Variants in LDB2 observed in about 807,000 individuals in gnomAD.
The protein encoded by LDB2 is LIM domain-binding protein 2.
A neutral mutation model predicts 44.3 loss-of-function variants in LDB2; 12 were observed. The ratio of observed to expected loss-of-function variants is 0.27; its 90% CI spans 0.17 to 0.44. The LOEUF (loss-of-function observed/expected upper bound fraction) is 0.44, where lower values mean the gene tolerates loss of function less well. LDB2 is among the 20% of genes least tolerant of loss of function. The pLI is 1.00. For synonymous variants in LDB2, 164 were observed against 174.8 expected (o/e 0.94, Z 0.49); for missense variants, 344 against 473.5 (o/e 0.73, Z 2.54).
chr4:16,753,286 G>A (rs1022002595), intron 2 of LDB2, among the ~76,000 whole-genome samples: 3 of 152,116 alleles, frequency 2.0e-5, no homozygotes, highest in African/African-American at 4.8e-5. Context: ...GGGTGAGTTC[G>A]AACCAATAAA....
chr4:16,843,824 T>C (rs1580162028), intron 1 of LDB2, among the ~76,000 whole-genome samples: 1 of 152,048 alleles, frequency 6.6e-6, no homozygotes, highest in East Asian at 1.9e-4. Context: ...GGTTTCACCA[T>C]GTTGGCCAGC....
At chr4:16,617,442 A>G (rs1354809604) in intron 2 of LDB2, among the ~76,000 whole-genome samples, 4 of 152,198 alleles carry the variant, frequency 2.6e-5, no homozygotes, top group Non-Finnish European at 4.4e-5. Context: ...TTAATTGACC[A>G]CAGTAAGCTG....
chr4:16,797,021 A>C (rs1776866801), intron 1 of LDB2, among the ~76,000 whole-genome samples: 1 of 152,198 alleles, frequency 6.6e-6, no homozygotes. Flanking sequence ...GCCTGAAAAT[A>C]TTATGAAAAA....
intron 1 of LDB2, among the ~76,000 whole-genome samples, chr4:16,859,837 G>C (rs965464726): frequency 6.6e-6 from 1 of 152,192 alleles, no homozygotes; most frequent in Non-Finnish European, 1.5e-5. Flanking sequence ...CAGTGATACA[G>C]ATAATTATAA....
At chr4:16,674,646 C>T (rs951015119) in intron 2 of LDB2, among the ~76,000 whole-genome samples, 2 of 152,258 alleles carry the variant, frequency 1.3e-5, no homozygotes, top group African/African-American at 2.4e-5. Context: ...AACACTGGTC[C>T]GTCTGCTCCC....
chr4:16,644,236 G>T (rs1049390896), intron 2 of LDB2, among the ~76,000 whole-genome samples: 3 of 152,098 alleles, frequency 2.0e-5, no homozygotes, highest in Non-Finnish European at 2.9e-5. Context: ...GAATATTTTT[G>T]AATACAGAAT....
intron 2 of LDB2, among the ~76,000 whole-genome samples, chr4:16,612,904 G>A (rs964021683): frequency 3.3e-5 from 5 of 152,112 alleles, no homozygotes; most frequent in African/African-American, 7.2e-5. Flanking sequence ...AATAAAAAAC[G>A]AAAACTTTAG....
chr4:16,552,465 C>CT (rs2152351533), intron 5 of LDB2, among the ~76,000 whole-genome samples: 1 of 152,154 alleles, frequency 6.6e-6, no homozygotes, highest in South Asian at 2.1e-4. Context: ...AGGATTCCAC[C>CT]TTTTTTCTTG....
intron 2 of LDB2, among the ~76,000 whole-genome samples, chr4:16,618,662 G>A (rs1348079656): frequency 6.6e-6 from 1 of 152,182 alleles, no homozygotes; most frequent in Non-Finnish European, 1.5e-5. Context: ...GCCGATTCAG[G>A]TATGGAATAC....
intron 2 of LDB2, among the ~76,000 whole-genome samples, chr4:16,663,406 C>A (rs967203319): frequency 1.3e-5 from 2 of 152,164 alleles, no homozygotes; most frequent in African/African-American, 4.8e-5. Flanking sequence ...AAGAGAGGCT[C>A]ATAATTGGCA....
At chr4:16,756,802 T>C (rs1285894321) in intron 2 of LDB2, among the ~76,000 whole-genome samples, 2 of 152,074 alleles carry the variant, frequency 1.3e-5, no homozygotes, top group Admixed American at 1.3e-4. Context: ...TTACAGGATT[T>C]ATGGCAACTT....
Position 16,774,343 on chromosome 4 carries a change from G to A in LDB2, c.133-15083C>T, listed in dbSNP as rs181523074. ...CTTTATTTTCTAGACTGAGATATGC[G>A]TTTTTTTAAAAAATTAATGGGAACC... On this transcript the variant is annotated intron_variant, in intron 1 of 7. Transcript: ENST00000304523. Among the ~76,000 whole-genome samples, 11 of 151,904 alleles carry A rather than the reference G, an allele frequency of 7.2e-5. No homozygotes were observed. The East Asian group carries it at 1.2e-3, about 16-fold the overall frequency.
At chr4:16,857,855 T>C (rs1425978513) in intron 1 of LDB2, among the ~76,000 whole-genome samples, 1 of 152,188 alleles carries the variant, frequency 6.6e-6, no homozygotes, top group East Asian at 1.9e-4. Context: ...AGGCTCTTCA[T>C]ATCACATACC....
chr4:16,877,696 G>A (rs1344882253), intron 1 of LDB2, among the ~76,000 whole-genome samples: 1 of 152,196 alleles, frequency 6.6e-6, no homozygotes, highest in African/African-American at 2.4e-5. Context: ...CATTTTAAGT[G>A]ATGTCATCAA....
intron 1 of LDB2, among the ~76,000 whole-genome samples, chr4:16,775,637 G>A (rs1391693347): frequency 6.6e-6 from 1 of 152,148 alleles, no homozygotes; most frequent in East Asian, 1.9e-4. Context: ...GATCCAATTA[G>A]CCGGGTCCTG....
intron 1 of LDB2, among the ~76,000 whole-genome samples, chr4:16,871,305 T>C (rs1716515923): frequency 6.6e-6 from 1 of 152,304 alleles, no homozygotes; most frequent in Middle Eastern, 3.4e-3. Context: ...ACTACAGAAA[T>C]TGGCAAATGC....
intron 1 of LDB2, among the ~76,000 whole-genome samples, chr4:16,885,678 C>G (rs1031177437): frequency 6.6e-6 from 1 of 152,182 alleles, no homozygotes; most frequent in Non-Finnish European, 1.5e-5. Context: ...ATGAATTGTG[C>G]TAAAATATTT....
intron 1 of LDB2, among the ~76,000 whole-genome samples, chr4:16,849,300 C>T (rs946613297): frequency 6.6e-6 from 1 of 152,198 alleles, no homozygotes; most frequent in Non-Finnish European, 1.5e-5. Context: ...TAGCCCCAAA[C>T]GTACTGTCTT....
chr4:16,587,830 A>C lies in LDB2; in HGVS notation c.531+880T>G, dbSNP rs538666696. On this transcript the variant is annotated intron_variant, in intron 4 of 7. Transcript: ENST00000304523. ...GTTTCCTTGCTTTTAAAACAGGAAC[A>C]ATACTAACTCAACTCTCTGCCTGAC... Among the ~76,000 whole-genome samples the C allele has an allele frequency of 1.2e-4, 18 of 152,320 alleles. No individual in the cohort carries two copies. The South Asian group carries it at 3.7e-3, about 32-fold the overall frequency.
Sources: allele counts gnomAD v4.1 joint callset (sites outside exome capture counted in the v4.1 genomes callset), GRCh38; gene constraint gnomAD v4.1.1; transcripts MANE v1.5; gene names NCBI Gene and HGNC (gene_info 2026-07-23, HGNC 2026-07-21).